Variants in NALF1 observed in about 807,000 individuals in gnomAD.
NALF1 encodes family with sequence similarity 155 member A.
In NALF1, 3 loss-of-function variants were observed where a neutral mutation model predicts 48.4. The observed-to-expected ratio is 0.06, with a 90% CI of 0.03 to 0.16. The LOEUF is 0.16. Among genes scored for constraint, NALF1 ranks in the 10% least tolerant of loss-of-function variants. The pLI is 1.00. For synonymous variants in NALF1, 262 were observed against 245.7 expected (o/e 1.07, Z -0.62); for missense variants, 526 against 571.5 (o/e 0.92, Z 0.81).
At chr13:107,275,827 T>G (rs1350781694) in intron 1 of NALF1, among the ~76,000 whole-genome samples, 1 of 152,194 alleles carries the variant, frequency 6.6e-6, no homozygotes, top group African/African-American at 2.4e-5. Context: ...ACCTTACTTA[T>G]GATGGTGCAT....
chr13:107,609,573 T>G (rs1275194714), intron 1 of NALF1, among the ~76,000 whole-genome samples: 1 of 152,206 alleles, frequency 6.6e-6, no homozygotes, highest in African/African-American at 2.4e-5. Flanking sequence ...GTGTACCTCC[T>G]ACCTCAGTCT....
chr13:107,413,815 C>G (rs1484329515), intron 1 of NALF1, among the ~76,000 whole-genome samples: 2 of 152,094 alleles, frequency 1.3e-5, no homozygotes, highest in Non-Finnish European at 2.9e-5. Context: ...GTGATGGAGT[C>G]TCTCTCTGTT....
intron 1 of NALF1, among the ~76,000 whole-genome samples, chr13:107,802,955 C>G (rs1878666177): frequency 6.6e-6 from 1 of 152,160 alleles, no homozygotes; most frequent in African/African-American, 2.4e-5. Context: ...CCAGTAAATT[C>G]AATTGTGCTG....
chr13:107,438,232 A>G (rs1884494319), intron 1 of NALF1, among the ~76,000 whole-genome samples: 1 of 152,246 alleles, frequency 6.6e-6, no homozygotes, highest in Non-Finnish European at 1.5e-5. Flanking sequence ...TCTTTGAGAA[A>G]GAACTAAATC....
intron 1 of NALF1, among the ~76,000 whole-genome samples, chr13:107,726,740 G>C (rs1396399693): frequency 6.6e-6 from 1 of 151,444 alleles, no homozygotes; most frequent in African/African-American, 2.4e-5. Flanking sequence ...CCATTGAGTA[G>C]CTAGGACTAC....
At chr13:107,805,839 T>C (rs1878768866) in intron 1 of NALF1, among the ~76,000 whole-genome samples, 1 of 152,170 alleles carries the variant, frequency 6.6e-6, no homozygotes, top group Admixed American at 6.6e-5. Flanking sequence ...GGCCTTCACC[T>C]GTGGCTTCTT....
chr13:107,332,370 T>A (rs934866316), intron 1 of NALF1, among the ~76,000 whole-genome samples: 1 of 152,124 alleles, frequency 6.6e-6, no homozygotes, highest in Non-Finnish European at 1.5e-5. Flanking sequence ...AGAAAAAAAA[T>A]CTGCAAAGGA....
At chr13:107,721,987 CT>C (rs1014861687) in intron 1 of NALF1, among the ~76,000 whole-genome samples, 11 of 152,158 alleles carry the variant, frequency 7.2e-5, no homozygotes, top group African/African-American at 2.7e-4. Context: ...GGTTCCCCCC[CT>C]CTTGCCTTTG....
intron 1 of NALF1, among the ~76,000 whole-genome samples, chr13:107,507,289 TA>T (rs1319639138): frequency 2.0e-5 from 3 of 152,052 alleles, no homozygotes; most frequent in Non-Finnish European, 4.4e-5. Context: ...TTTTTAACTA[TA>T]AAAAATGGCA....
intron 1 of NALF1, among the ~76,000 whole-genome samples, chr13:107,585,284 A>C (rs917005400): frequency 6.6e-6 from 1 of 152,166 alleles, no homozygotes; most frequent in Non-Finnish European, 1.5e-5. Flanking sequence ...TTAACCAACC[A>C]AACAAACCAA....
intron 1 of NALF1, among the ~76,000 whole-genome samples, chr13:107,705,100 T>C (rs1348936460): frequency 6.6e-6 from 1 of 152,172 alleles, no homozygotes; most frequent in Non-Finnish European, 1.5e-5. Context: ...TTACTCCCTT[T>C]GATATACAAG....
At chr13:107,592,101 C>A (rs1878616223) in intron 1 of NALF1, among the ~76,000 whole-genome samples, 1 of 151,738 alleles carries the variant, frequency 6.6e-6, no homozygotes, top group Non-Finnish European at 1.5e-5. Flanking sequence ...TTTTTAAATG[C>A]CAAGTAAAAG....
At chr13:107,720,766 C>T (rs1240717229) in intron 1 of NALF1, among the ~76,000 whole-genome samples, 3 of 152,054 alleles carry the variant, frequency 2.0e-5, no homozygotes, top group East Asian at 1.9e-4. Flanking sequence ...TTTTACTGAC[C>T]GATCACTTTA....
intron 1 of NALF1, among the ~76,000 whole-genome samples, chr13:107,517,974 C>A (rs184285804): frequency 9.9e-5 from 15 of 152,064 alleles, no homozygotes; most frequent in African/African-American, 3.4e-4. Context: ...AAAAACTTAA[C>A]GTAAGCTCAA....
At chr13:107,777,747 A>C (rs1233220886) in intron 1 of NALF1, among the ~76,000 whole-genome samples, 1 of 152,192 alleles carries the variant, frequency 6.6e-6, no homozygotes, top group East Asian at 1.9e-4. Flanking sequence ...CAATGCAAGA[A>C]CGGCCTAATA....
chr13:107,260,717 T>C (rs1880913173), intron 1 of NALF1, among the ~76,000 whole-genome samples: 1 of 152,236 alleles, frequency 6.6e-6, no homozygotes, highest in South Asian at 2.1e-4. Flanking sequence ...TCAGATGACC[T>C]GGACAACCAT....
intron 1 of NALF1, among the ~76,000 whole-genome samples, chr13:107,483,004 C>A (rs1885277209): frequency 3.3e-5 from 5 of 152,108 alleles, no homozygotes; most frequent in Admixed American, 2.6e-4. Flanking sequence ...AATGACGCAG[C>A]CCTGGTAGTA....
In NALF1 at chr13:107,435,793, C is replaced by T. The variant is rs981178475; in HGVS notation, c.916-225038G>A. ...AAGAATTAAGGGGGAAGGAAAGCGG[C>T]GGGGGAGGGGGGGAAGATACTGCAT... On this transcript the variant is annotated intron_variant, in intron 1 of 2. Coordinates refer to ENST00000375915, the MANE Select transcript of NALF1 (RefSeq NM_001080396.3). Among the ~76,000 whole-genome samples the T allele has an allele frequency of 6.1e-4, 83 of 136,612 alleles. 1 individual carries two copies. Among genetic ancestry groups the T allele is most frequent in the African/African-American group, 2.2e-3 (78 of 35,794 alleles). 89.6% of individuals were successfully genotyped at this position (136,612 alleles called of 152,430 possible). A position where few individuals can be genotyped will look rare whatever the true frequency, so the allele number is the denominator to read the frequency against.
chr13:107,225,352 C>T (rs1370285216), intron 1 of NALF1, among the ~76,000 whole-genome samples: 1 of 152,050 alleles, frequency 6.6e-6, no homozygotes, highest in Non-Finnish European at 1.5e-5. Context: ...TTTTTATTCT[C>T]ACTGTAGCCT....
Sources: allele counts gnomAD v4.1 joint callset (sites outside exome capture counted in the v4.1 genomes callset), GRCh38; gene constraint gnomAD v4.1.1; transcripts MANE v1.5; gene names NCBI Gene and HGNC (gene_info 2026-07-23, HGNC 2026-07-21).